Variants in KDM1B observed in about 807,000 individuals in gnomAD.
KDM1B encodes the protein lysine-specific histone demethylase 2.
A neutral mutation model predicts 107.4 loss-of-function variants in KDM1B; 63 were observed. The ratio of observed to expected loss-of-function variants is 0.59; its 90% CI spans 0.48 to 0.72. The LOEUF (loss-of-function observed/expected upper bound fraction) is 0.72. Ranked by LOEUF, KDM1B falls within the 30% of genes least tolerant of loss-of-function variation. The probability of loss-of-function intolerance (pLI) is 0.00; values close to 1 mark genes in which losing one functional copy is unlikely to be tolerated. For missense variants in KDM1B, 749 were observed against 1,020.8 expected (o/e 0.73, Z 3.63); for synonymous variants, 363 against 363.9 (o/e 1.00, Z 0.03).
rs201798497 is a variant in KDM1B, at chr6:18,159,949, G to T, written c.54G>T (p.Pro18=). ...AAAAAGCATCTTTTGATCATTCTCC[G>T]GATAGCCTTCCTTTGAGGAGCTCCG... The part of the protein sequence containing the change: ...TKKKASFDHS[P]DSLPLRSSGR... Residue 18 remains proline, a synonymous_variant, in exon 3 of 22, where the codon CCG becomes CCT. Transcript: ENST00000650836. This position sits in a 1 kb window ranked among gnomAD's most constrained non-coding sequence, Gnocchi z 4.5. 6.2e-7 allele frequency: 1 copy of T among 1,609,000 alleles called. No individual in the cohort carries two copies. The highest frequency in any genetic ancestry group is 8.5e-7 in the Non-Finnish European group (1 of 1,178,216).
chr6:18,206,979 C>T (rs575313502), intron 15 of KDM1B, among the ~76,000 whole-genome samples: 99 of 152,268 alleles, frequency 6.5e-4, no homozygotes, highest in African/African-American at 2.3e-3. Context: ...CTCTCCATTT[C>T]CACTTGGTTC....
chr6:18,203,153 T>C lies in KDM1B; in HGVS notation c.1531+1496T>C, dbSNP rs214608. Among the ~76,000 whole-genome samples, 31,418 of 152,058 alleles carry C rather than the reference T, an allele frequency of 0.21. 5,263 individuals carry two copies. The highest frequency in any genetic ancestry group is 0.46 in the African/African-American group (19,102 of 41,424). ...AAGCTGTAGGCCAGGCATGATGGTGTGTGCCTGTAGTCCCAGCTACTCAGG... is the reference window on the plus strand; with the variant it reads ...AAGCTGTAGGCCAGGCATGATGGTGCGTGCCTGTAGTCCCAGCTACTCAGG... On this transcript the variant is annotated intron_variant, in intron 14 of 21. Transcript: ENST00000650836. This position sits in a 1 kb window ranked among gnomAD's most constrained non-coding sequence, Gnocchi z 5.5.
chr6:18,173,848 C>T lies in KDM1B; in HGVS notation c.534+2369C>T, dbSNP rs559607560. Among the ~76,000 whole-genome samples, 1,018 of 152,096 alleles carry T rather than the reference C, an allele frequency of 6.7e-3. 3 individuals carry two copies. The highest frequency in any genetic ancestry group is 0.023 in the South Asian group (112 of 4,820). On this transcript the variant is annotated intron_variant, in intron 7 of 21. Coordinates refer to ENST00000650836, the MANE Select transcript of KDM1B (RefSeq NM_001364614.2). ...TTGCCCAGGCTGGAGTGCAGTGGCT[C>T]GATCTCGGCTCACTGCAACCTCCGC...
At chr6:18,215,787 C>T (rs561040693) in intron 20 of KDM1B, among the ~76,000 whole-genome samples, 3 of 146,782 alleles carry the variant, frequency 2.0e-5, no homozygotes, top group South Asian at 2.1e-4. Flanking sequence ...GTATTTTCTA[C>T]GTGGATTCTA....
At position 18,201,761 on chromosome 6, in the gene KDM1B, G is replaced by A. The variant is rs771820570; in HGVS notation, c.1531+104G>A. 3.0e-5 allele frequency: 29 copies of A among 958,790 alleles called. No homozygotes were observed. Among genetic ancestry groups the A allele is most frequent in the Non-Finnish European group, 4.1e-5 (27 of 651,974 alleles). 59.4% of individuals were successfully genotyped at this position (958,790 alleles called of 1,614,324 possible). The stretch of plus-strand genomic sequence containing the variant: ...TTTGCGAGGTCGGATGTCGGCAACA[G>A]GGTAGCCCTCCTGAGCATTTCTTTT... On this transcript the variant is annotated intron_variant, in intron 14 of 21. Coordinates refer to ENST00000650836, the MANE Select transcript of KDM1B (RefSeq NM_001364614.2). The surrounding 1 kb of genome is among the most constrained non-coding windows in gnomAD (Gnocchi z 4.3).
chr6:18,212,660 G>A lies in KDM1B; in HGVS notation c.1983+56G>A, dbSNP rs1352004381. The stretch of plus-strand genomic sequence containing the variant: ...AAGAGATTAATGTCAGATGATAGAT[G>A]TTAACTTCTGATATGGAGAAGTAGT... On this transcript the variant is annotated intron_variant, in intron 18 of 21. Coordinates refer to ENST00000650836, the MANE Select transcript of KDM1B (RefSeq NM_001364614.2). The surrounding 1 kb of genome is among the most constrained non-coding windows in gnomAD (Gnocchi z 5.2). 5 of 1,099,544 alleles carry A rather than the reference G, an allele frequency of 4.5e-6. No individual in the cohort carries two copies. Among genetic ancestry groups the A allele is most frequent in the African/African-American group, 1.5e-5 (1 of 65,008 alleles). 68.1% of individuals were successfully genotyped at this position (1,099,544 alleles called of 1,614,324 possible). A position where few individuals can be genotyped will look rare whatever the true frequency, so the allele number is the denominator to read the frequency against.
rs1349363827 is a variant in KDM1B, at chr6:18,187,776, G to C, written c.574-16G>C. ...GTCTGTCCTTGTCTCTCTTCTTCCT[G>C]TCTGGCCCATTGCAGAGAGTATTGG... On this transcript the variant is annotated splice_polypyrimidine_tract_variant and intron_variant, in intron 8 of 21. Transcript: ENST00000650836. The C allele has an allele frequency of 1.3e-6, 2 of 1,506,146 alleles. No homozygotes were observed. Among genetic ancestry groups the C allele is most frequent in the Non-Finnish European group, 1.8e-6 (2 of 1,107,056 alleles). The allele number at this position is 1,506,146 out of a possible 1,614,324, so 93.3% of individuals were successfully genotyped here. A position where few individuals can be genotyped will look rare whatever the true frequency, so the allele number is the denominator to read the frequency against.
At chr6:18,188,083 G>A in intron 9 of KDM1B, 81 bp downstream of exon 9, 1 of 1,297,066 alleles carries the variant, frequency 7.7e-7, no homozygotes, top group South Asian at 1.3e-5. Context: ...AAAACGCAAA[G>A]GATTTTTTTT....
chr6:18,166,479 G>T (rs1448991457), intron 6 of KDM1B, 101 bp downstream of exon 6: 3 of 731,690 alleles, frequency 4.1e-6, no homozygotes, highest in Non-Finnish European at 7.4e-6. Context: ...TACATTTATT[G>T]TTCCTTCTAT....
At chr6:18,208,675 C>T (rs1352391114) in intron 17 of KDM1B, among the ~76,000 whole-genome samples, 36 of 94,250 alleles carry the variant, frequency 3.8e-4, no homozygotes, top group East Asian at 3.5e-3. Context: ...GATGGAGTCT[C>T]GTGCTGTCAC....
At chr6:18,184,665 T>G (rs952132907) in intron 7 of KDM1B, among the ~76,000 whole-genome samples, 6 of 151,746 alleles carry the variant, frequency 4.0e-5, no homozygotes, top group Non-Finnish European at 7.4e-5. Context: ...AGCATGCCAT[T>G]GTTTGACTAT....
chr6:18,190,202 C>T (rs1787181716), intron 9 of KDM1B, among the ~76,000 whole-genome samples: 1 of 151,890 alleles, frequency 6.6e-6, no homozygotes, highest in East Asian at 1.9e-4. Flanking sequence ...AGTGGGCATT[C>T]AGTGGATATA....
chr6:18,167,621 A>G (rs968029945), intron 6 of KDM1B, among the ~76,000 whole-genome samples: 1 of 150,914 alleles, frequency 6.6e-6, no homozygotes, highest in Non-Finnish European at 1.5e-5. Flanking sequence ...CTCTCCGCAC[A>G]TGCTACCACG....
chr6:18,195,249 G>A (rs1249298395), intron 10 of KDM1B, among the ~76,000 whole-genome samples: 1 of 152,038 alleles, frequency 6.6e-6, no homozygotes, highest in Non-Finnish European at 1.5e-5. Flanking sequence ...TGAACATTTT[G>A]TTTGAACATC....
At chr6:18,190,077 G>A (rs990280558) in intron 9 of KDM1B, among the ~76,000 whole-genome samples, 1 of 152,052 alleles carries the variant, frequency 6.6e-6, no homozygotes, top group Non-Finnish European at 1.5e-5. Context: ...TTGAACCTGG[G>A]AGGCGGAGGT....
intron 7 of KDM1B, among the ~76,000 whole-genome samples, chr6:18,180,275 G>A (rs1005308067): frequency 5.3e-5 from 8 of 152,118 alleles, no homozygotes; most frequent in African/African-American, 1.2e-4. Flanking sequence ...AGAGGGGAGC[G>A]TGTCCAGCTT....
At chr6:18,161,078 ACT>A (rs1453853003) in intron 3 of KDM1B, among the ~76,000 whole-genome samples, 1 of 151,940 alleles carries the variant, frequency 6.6e-6, no homozygotes, top group Admixed American at 6.6e-5. Context: ...TCTAAGAAAG[ACT>A]CATATGAATT....
chr6:18,176,716 G>A (rs1192147402), intron 7 of KDM1B, among the ~76,000 whole-genome samples: 3 of 152,156 alleles, frequency 2.0e-5, no homozygotes, highest in Non-Finnish European at 4.4e-5. Context: ...AGATGATCAT[G>A]TGATTTTTGT....
In KDM1B at chr6:18,184,736, CTTTTTTT is replaced by C. The variant is rs58897300; in HGVS notation, c.535-1018_535-1012del. 3.2e-4 allele frequency among the ~76,000 whole-genome samples: 21 copies of C among 65,468 alleles called. No individual in the cohort carries two copies. In the East Asian group the frequency reaches 7.3e-3, roughly 23 times the overall value. The allele number at this position is 65,468 out of a possible 152,430, so 42.9% of individuals were successfully genotyped here. ...CTTTGGGTTGTTTCTAGCTTTTTTC[CTTTTTTT>C]TTTTTTTTTTTTTTTTTAAGACAAG... On this transcript the variant is annotated intron_variant, in intron 7 of 21. Coordinates refer to ENST00000650836, the MANE Select transcript of KDM1B (RefSeq NM_001364614.2).
Sources: allele counts gnomAD v4.1 joint callset (sites outside exome capture counted in the v4.1 genomes callset), GRCh38; gene constraint gnomAD v4.1.1; non-coding constraint Gnocchi (gnomAD v3.1); transcripts MANE v1.5; gene names NCBI Gene and HGNC (gene_info 2026-07-23, HGNC 2026-07-21).